Variants in KLRG1 observed in about 807,000 individuals in gnomAD.
KLRG1 encodes killer cell lectin-like receptor subfamily G member 1.
Under a neutral mutation model 21.8 loss-of-function variants are expected in KLRG1, and 16 were observed. The ratio of observed to expected loss-of-function variants is 0.73; its 90% CI spans 0.50 to 1.11. KLRG1 has a LOEUF of 1.11. KLRG1 is among the 50% of genes most tolerant of loss of function. KLRG1 has a pLI of 0.00. For synonymous variants in KLRG1, 69 were observed against 75.9 expected, an observed-to-expected ratio of 0.91 and a Z score of 0.47; for missense variants, 173 against 218.3, an observed-to-expected ratio of 0.79 and a Z score of 1.31.
intron 1 of KLRG1, among the ~76,000 whole-genome samples, chr12:8,967,988 G>A (rs1202054835): frequency 1.3e-5 from 2 of 151,228 alleles, no homozygotes; most frequent in Non-Finnish European, 3.0e-5. Flanking sequence ...GGGAAGGAAG[G>A]AGGAGGGAGG....
At chr12:8,978,434 C>G (rs1359072207) in intron 1 of KLRG1, among the ~76,000 whole-genome samples, 3 of 152,268 alleles carry the variant, frequency 2.0e-5, no homozygotes, top group South Asian at 4.1e-4. Context: ...CCTTGGTCTC[C>G]CAAAGTCCTG....
Position 8,978,656 on chromosome 12 carries a change from CTTTCTTTCTTTCT to C in KLRG1, c.-155-13547_-155-13535del, listed in dbSNP as rs1565541223. ...TTTTCTTTCTTTTCTTTCTTTCTTT[CTTTCTTTCTTTCT>C]TTCTTTCTTTCTTTCTTTCTTTTTC... is the stretch of plus-strand genomic sequence containing the variant. On this transcript the variant is annotated intron_variant, in intron 1 of 4. Transcript: ENST00000539240. Among the ~76,000 whole-genome samples, 39 of 147,510 alleles carry C rather than the reference CTTTCTTTCTTTCT, an allele frequency of 2.6e-4. No homozygotes were observed. The East Asian group carries it at 4.6e-3, about 17-fold the overall frequency.
chr12:8,990,062 A>T (rs1438559738), intron 1 of KLRG1: 3 of 163,482 alleles, frequency 1.8e-5, no homozygotes, highest in Non-Finnish European at 4.0e-5. Context: ...GTAACCTTGG[A>T]CCAGCTGTTT....
the KLRG1 span, among the ~76,000 whole-genome samples, chr12:9,206,888 G>A: frequency 6.6e-6 from 1 of 152,122 alleles, no homozygotes; most frequent in African/African-American, 2.4e-5. Context: ...CCCAATACAC[G>A]CTACTCGCTT....
At chr12:9,021,746 G>T in the KLRG1 span, among the ~76,000 whole-genome samples, 1 of 151,806 alleles carries the variant, frequency 6.6e-6, no homozygotes. Flanking sequence ...TTAGCCTCGG[G>T]CTACACAGGG....
At chr12:9,093,472 C>A in the KLRG1 span, 1 of 1,613,076 alleles carries the variant, frequency 6.2e-7, no homozygotes, top group Admixed American at 1.7e-5. Context: ...TACTTTACCA[C>A]CACCAAATCC....
intron 1 of KLRG1, among the ~76,000 whole-genome samples, chr12:8,954,208 C>T (rs537662701): frequency 5.5e-4 from 83 of 151,860 alleles, no homozygotes; most frequent in African/African-American, 1.9e-3. Context: ...GATATGATAT[C>T]GGTTGTATGT....
the KLRG1 span, among the ~76,000 whole-genome samples, chr12:9,034,689 C>T: frequency 3.6e-3 from 541 of 152,298 alleles, 3 homozygotes; most frequent in Middle Eastern, 0.027. Context: ...ACAGATGATC[C>T]GCCCGCCTCG....
the KLRG1 span, among the ~76,000 whole-genome samples, chr12:9,034,969 G>A: frequency 6.6e-6 from 1 of 152,096 alleles, no homozygotes. Flanking sequence ...CTGACCCTGT[G>A]TAGGCCTTGG....
At chr12:8,984,343 T>C (rs1308132124) in intron 1 of KLRG1, among the ~76,000 whole-genome samples, 3 of 152,252 alleles carry the variant, frequency 2.0e-5, no homozygotes, top group Non-Finnish European at 4.4e-5. Flanking sequence ...GCTGGGACTA[T>C]AGGCATGTGC....
chr12:8,991,825 TAGGAAAAATTTCTTA>T (rs67408366), intron 1 of KLRG1, among the ~76,000 whole-genome samples: 52,811 of 152,026 alleles, frequency 0.35, 10,573 homozygotes, highest in South Asian at 0.44. Context: ...CGAGTATCTG[TAGGAAAAATTTCTTA>T]AGGAGAAATT....
At chr12:9,084,655 G>T in the KLRG1 span, among the ~76,000 whole-genome samples, 1 of 151,962 alleles carries the variant, frequency 6.6e-6, no homozygotes, top group African/African-American at 2.4e-5. Flanking sequence ...CAACAAAATG[G>T]TAGTACCAAG....
chr12:9,123,311 T>C, the KLRG1 span, among the ~76,000 whole-genome samples: 1 of 152,178 alleles, frequency 6.6e-6, no homozygotes, highest in Admixed American at 6.5e-5. Context: ...TTAGGCTTAG[T>C]AAGAGATTAA....
chr12:9,157,969 C>T, the KLRG1 span: 503,782 of 801,418 alleles, frequency 0.63, 161,790 homozygotes, highest in East Asian at 0.9. Flanking sequence ...CTCTCTCTCT[C>T]TCTCGACAGG....
chr12:9,125,158 C>T, the KLRG1 span, among the ~76,000 whole-genome samples: 3,499 of 152,312 alleles, frequency 0.023, 76 homozygotes, highest in South Asian at 0.08. Context: ...GCAAGGAGCA[C>T]CCGCTCCAGG....
At chr12:9,185,473 A>G in the KLRG1 span, among the ~76,000 whole-genome samples, 1 of 152,232 alleles carries the variant, frequency 6.6e-6, no homozygotes. Context: ...GATATCCTTG[A>G]AAGAGATGAG....
the KLRG1 span, chr12:9,101,080 T>G: frequency 6.9e-7 from 1 of 1,439,178 alleles, no homozygotes; most frequent in Non-Finnish European, 9.5e-7. Flanking sequence ...TTCTGATACT[T>G]CCGTGGTGTA....
chr12:9,115,993 T>G, the KLRG1 span: 2 of 708,848 alleles, frequency 2.8e-6, no homozygotes, highest in East Asian at 2.8e-5. Flanking sequence ...ACAAGATCTC[T>G]AAACAAAGTT....
chr12:8,993,857 A>G (rs1021834298), intron 2 of KLRG1, among the ~76,000 whole-genome samples: 1 of 152,128 alleles, frequency 6.6e-6, no homozygotes, highest in Non-Finnish European at 1.5e-5. Context: ...TAACTCCCAA[A>G]TCTAGAGTAG....
Sources: gnomAD v4.1 joint callset for allele counts (sites outside exome capture counted in the v4.1 genomes callset) on GRCh38, gnomAD v4.1.1 for gene constraint, MANE v1.5 for transcripts, NCBI Gene and HGNC (gene_info 2026-07-23, HGNC 2026-07-21) for gene names.